The following UBXN7 variants were observed in gnomAD, a reference collection of about 807,000 sequenced individuals.
UBXN7 encodes UBX domain protein 7, also known as UBX domain-containing protein 7.
A neutral mutation model predicts 58.0 loss-of-function variants in UBXN7; 9 were observed. The observed-to-expected ratio is 0.16, with a 90% CI of 0.09 to 0.27. UBXN7 has a LOEUF of 0.27. UBXN7 is among the 10% of genes least tolerant of loss of function. The pLI, the probability that UBXN7 is intolerant of heterozygous loss-of-function variation, is 1.00. For synonymous variants in UBXN7, 208 were observed against 205.0 expected (o/e 1.01, Z -0.12); for missense variants, 328 against 599.6 (o/e 0.55, Z 4.73).
chr3:196,390,962 T>C (rs1297783281), intron 5 of UBXN7, among the ~76,000 whole-genome samples: 1 of 152,204 alleles, frequency 6.6e-6, no homozygotes, highest in Non-Finnish European at 1.5e-5. Flanking sequence ...ATCTTTCCTC[T>C]GCCCTAAGTA....
intron 8 of UBXN7, among the ~76,000 whole-genome samples, chr3:196,363,998 A>G (rs1270918489): frequency 6.6e-6 from 1 of 152,202 alleles, no homozygotes; most frequent in Admixed American, 6.5e-5. Flanking sequence ...ACAAGAATTA[A>G]AAGTTTTAAC....
intron 1 of UBXN7, among the ~76,000 whole-genome samples, chr3:196,425,748 T>C (rs1230422433): frequency 1.3e-5 from 2 of 152,196 alleles, no homozygotes; most frequent in East Asian, 3.8e-4. Context: ...CTCATCTCTG[T>C]CTGTATACAT....
chr3:196,401,314 CACACACAT>C (rs1298472541), intron 3 of UBXN7, among the ~76,000 whole-genome samples: 14 of 111,836 alleles, frequency 1.3e-4, no homozygotes, highest in African/African-American at 1.8e-4. Flanking sequence ...CACACACACA[CACACACAT>C]ATATATATAT....
At chr3:196,391,713 G>A (rs1011921032) in intron 5 of UBXN7, 100 bp downstream of exon 5, 26 of 823,540 alleles carry the variant, frequency 3.2e-5, no homozygotes, top group Middle Eastern at 4.7e-4. Context: ...CAGCCTGGAC[G>A]ACAGAGCGAG....
chr3:196,426,986 T>C (rs1302581745), intron 1 of UBXN7, among the ~76,000 whole-genome samples: 1 of 152,232 alleles, frequency 6.6e-6, no homozygotes, highest in Non-Finnish European at 1.5e-5. Context: ...TGAGGTTCTA[T>C]AATTTTCTCA....
chr3:196,398,385 C>A (rs771974264), intron 3 of UBXN7, among the ~76,000 whole-genome samples: 1 of 152,194 alleles, frequency 6.6e-6, no homozygotes, highest in Non-Finnish European at 1.5e-5. Flanking sequence ...ATTCATCTCG[C>A]AGTCTGAATG....
rs1197289549 is a variant in UBXN7 at position 196,353,101 on chromosome 3, T to C, written c.*3584A>G. 7.2e-5 allele frequency: 11 copies of C among 152,124 alleles called. No homozygotes were observed. The highest frequency in any genetic ancestry group is 2.4e-4 in the African/African-American group (10 of 41,424). 9.4% of individuals were successfully genotyped at this position (152,124 alleles called of 1,614,324 possible). A position where few individuals can be genotyped will look rare whatever the true frequency, so the allele number is the denominator to read the frequency against. On this transcript the variant is annotated 3_prime_UTR_variant, in exon 11 of 11. Transcript: ENST00000296328. Reference sequence around the variant, plus strand: ...AACTTTAACCCAACTACTTCCTCTATATTTATGGGAACAAAACTAAGTGAC... The same window carrying C: ...AACTTTAACCCAACTACTTCCTCTACATTTATGGGAACAAAACTAAGTGAC...
At chr3:196,391,283 A>G (rs993843631) in intron 5 of UBXN7, among the ~76,000 whole-genome samples, 4 of 152,220 alleles carry the variant, frequency 2.6e-5, no homozygotes, top group Non-Finnish European at 5.9e-5. Flanking sequence ...AAAGGATTTC[A>G]TCAATCTCAT....
chr3:196,417,272 A>C (rs986577510), intron 1 of UBXN7, among the ~76,000 whole-genome samples: 6 of 152,336 alleles, frequency 3.9e-5, no homozygotes, highest in African/African-American at 1.4e-4. Flanking sequence ...AGATCGCGCG[A>C]CTGCACTCCA....
chr3:196,357,848 T>C (rs1195253318), intron 10 of UBXN7, among the ~76,000 whole-genome samples: 5 of 149,772 alleles, frequency 3.3e-5, no homozygotes, highest in Admixed American at 6.7e-5. Context: ...ACAGAGCCAA[T>C]CTTCATCTCA....
chr3:196,384,540 G>A (rs1365627539), intron 5 of UBXN7, among the ~76,000 whole-genome samples: 11 of 152,192 alleles, frequency 7.2e-5, no homozygotes, highest in South Asian at 4.1e-4. Flanking sequence ...ACATTGATGC[G>A]AAAATCCTCA....
intron 1 of UBXN7, among the ~76,000 whole-genome samples, chr3:196,411,763 T>A (rs910600828): frequency 6.6e-6 from 1 of 152,054 alleles, no homozygotes; most frequent in African/African-American, 2.4e-5. Context: ...TGAGCCAAGA[T>A]CGTGCCATTG....
intron 1 of UBXN7, among the ~76,000 whole-genome samples, chr3:196,410,584 G>A (rs906070091): frequency 3.3e-5 from 5 of 152,174 alleles, no homozygotes; most frequent in African/African-American, 1.2e-4. Context: ...AGCACTTTGG[G>A]AGGCCAAGGT....
intron 1 of UBXN7, among the ~76,000 whole-genome samples, chr3:196,421,364 G>A (rs1268726610): frequency 6.6e-6 from 1 of 152,184 alleles, no homozygotes; most frequent in Admixed American, 6.5e-5. Flanking sequence ...TTACTAGTCT[G>A]TGACAAGATA....
chr3:196,414,114 C>T (rs1730412552), intron 1 of UBXN7, among the ~76,000 whole-genome samples: 1 of 152,118 alleles, frequency 6.6e-6, no homozygotes, highest in Admixed American at 6.6e-5. Flanking sequence ...CTCAGCCTCC[C>T]AGGTAGCTGT....
At chr3:196,394,446 C>CA (rs1274452744) in intron 3 of UBXN7, among the ~76,000 whole-genome samples, 5 of 151,232 alleles carry the variant, frequency 3.3e-5, no homozygotes, top group South Asian at 2.1e-4. Context: ...AATAAAAATA[C>CA]AAAAAAACTA....
At chr3:196,368,858 T>C (rs1728741262) in intron 7 of UBXN7, among the ~76,000 whole-genome samples, 1 of 152,198 alleles carries the variant, frequency 6.6e-6, no homozygotes, top group South Asian at 2.1e-4. Flanking sequence ...AGTCTCACTC[T>C]GTTGCCCAGG....
At chr3:196,386,479 C>G (rs1729403023) in intron 5 of UBXN7, among the ~76,000 whole-genome samples, 1 of 151,638 alleles carries the variant, frequency 6.6e-6, no homozygotes, top group African/African-American at 2.4e-5. Flanking sequence ...ATCGTCTCAG[C>G]CCAAAACCTC....
rs1330939883 is a variant in UBXN7, at chr3:196,363,716, GTCAGGAGT to G, written c.835-1037_835-1030del. Among the ~76,000 whole-genome samples, 3 of 152,238 alleles carry G rather than the reference GTCAGGAGT, an allele frequency of 2.0e-5. No individual in the cohort carries two copies. The East Asian group carries it at 5.8e-4, about 29-fold the overall frequency. On this transcript the variant is annotated intron_variant, in intron 8 of 10. Transcript: ENST00000296328. ...GCTTGAGGCGGGCAGATCACCTGAG[GTCAGGAGT>G]TCGAGACCAGCCTGGCCAACATGGC... is the stretch of plus-strand genomic sequence containing the variant.
Sources: gnomAD v4.1 joint callset for allele counts (sites outside exome capture counted in the v4.1 genomes callset) on GRCh38, gnomAD v4.1.1 for gene constraint, MANE v1.5 for transcripts, NCBI Gene and HGNC (gene_info 2026-07-23, HGNC 2026-07-21) for gene names.